GALNT16: variants seen among roughly 807,000 people sequenced by gnomAD.
GALNT16 encodes polypeptide N-acetylgalactosaminyltransferase 16, also known as UDP-GalNAc:polypeptide N-acetylgalactosaminyltransferase-like protein 1.
Under a neutral mutation model 76.1 loss-of-function variants are expected in GALNT16, and 40 were observed. That is an observed-to-expected ratio of 0.53 (90% CI 0.41 to 0.68). GALNT16 has a LOEUF of 0.68. GALNT16 is among the 30% of genes least tolerant of loss of function. GALNT16 has a pLI of 0.00. For synonymous variants in GALNT16, 276 were observed against 285.2 expected (o/e 0.97, Z 0.32); for missense variants, 621 against 731.9 (o/e 0.85, Z 1.75).
intron 1 of GALNT16, among the ~76,000 whole-genome samples, chr14:69,277,891 T>C: frequency 6.6e-6 from 1 of 152,216 alleles, no homozygotes. Flanking sequence ...ACCTGTTGTT[T>C]CCTGACTTTT....
intron 2 of GALNT16, among the ~76,000 whole-genome samples, chr14:69,324,109 G>A (rs1297216780): frequency 6.6e-6 from 1 of 151,966 alleles, no homozygotes; most frequent in Non-Finnish European, 1.5e-5. Context: ...ACAGAGGCTT[G>A]TTTCCTCCAG....
chr14:69,312,178 G>A (rs375935382), intron 1 of GALNT16, among the ~76,000 whole-genome samples: 1 of 151,994 alleles, frequency 6.6e-6, no homozygotes. Flanking sequence ...TTGAGCCTAG[G>A]AGTTTGAGGC....
At chr14:69,290,668 A>T (rs1169604854) in intron 1 of GALNT16, among the ~76,000 whole-genome samples, 3 of 152,224 alleles carry the variant, frequency 2.0e-5, no homozygotes, top group Admixed American at 2.0e-4. Flanking sequence ...CAGAATTCAG[A>T]CTGGCTTAGG....
chr14:69,369,757 G>C, the GALNT16 span, among the ~76,000 whole-genome samples: 1 of 152,190 alleles, frequency 6.6e-6, no homozygotes, highest in South Asian at 2.1e-4. Flanking sequence ...TCTAAAGTTA[G>C]CATGACAAAA....
At chr14:69,331,123 G>A (rs2045346586) in intron 6 of GALNT16, among the ~76,000 whole-genome samples, 1 of 152,228 alleles carries the variant, frequency 6.6e-6, no homozygotes, top group African/African-American at 2.4e-5. Flanking sequence ...CATCTAGGCT[G>A]TCATTGTAAG....
intron 1 of GALNT16, among the ~76,000 whole-genome samples, chr14:69,318,954 C>T (rs1416712842): frequency 6.6e-6 from 1 of 152,242 alleles, no homozygotes; most frequent in Non-Finnish European, 1.5e-5. Flanking sequence ...TTTTGTCCCT[C>T]TCTCCCTCCT....
At chr14:69,338,314 G>A (rs1007039259) in intron 9 of GALNT16, among the ~76,000 whole-genome samples, 1 of 152,204 alleles carries the variant, frequency 6.6e-6, no homozygotes, top group African/African-American at 2.4e-5. Context: ...TGTCTGTCTG[G>A]GGCTTTCTAG....
intron 2 of GALNT16, among the ~76,000 whole-genome samples, chr14:69,322,941 T>G (rs1203697855): frequency 3.2e-5 from 2 of 63,078 alleles, no homozygotes; most frequent in South Asian, 1.6e-3. Flanking sequence ...TGTGTGTGTG[T>G]GTGTGTGTGT....
At chr14:69,384,723 G>A in the GALNT16 span, among the ~76,000 whole-genome samples, 29 of 152,094 alleles carry the variant, frequency 1.9e-4, no homozygotes, top group African/African-American at 6.3e-4. Flanking sequence ...CACAAGTGAC[G>A]TGCATTTATA....
chr14:69,278,040 C>T lies in GALNT16; in HGVS notation c.177+17573C>T, dbSNP rs568564591. On this transcript the variant is annotated intron_variant, in intron 1 of 14. Coordinates refer to ENST00000448469, the MANE Select transcript of GALNT16 (RefSeq NM_001168368.2). ...TTTTTTTTTTTAGAGACAAGCCCTCCCTCTGTGACCCAGGCTGGAGTGCTG... is the reference window on the plus strand; with the variant it reads ...TTTTTTTTTTTAGAGACAAGCCCTCTCTCTGTGACCCAGGCTGGAGTGCTG... 2.0e-5 allele frequency among the ~76,000 whole-genome samples: 3 copies of T among 151,740 alleles called. No individual in the cohort carries two copies. The South Asian group carries it at 6.3e-4, about 32-fold the overall frequency.
chr14:69,361,892 A>G (rs1055762349), downstream of GALNT16, among the ~76,000 whole-genome samples: 2 of 152,224 alleles, frequency 1.3e-5, no homozygotes, highest in African/African-American at 4.8e-5. Context: ...CTATAATCCC[A>G]GCTCCTCAGG....
chr14:69,297,617 G>T (rs1162397373), intron 1 of GALNT16, among the ~76,000 whole-genome samples: 4 of 117,520 alleles, frequency 3.4e-5, no homozygotes, highest in Admixed American at 2.0e-4. Flanking sequence ...TTAGTATTAT[G>T]TATTTGGAAA....
chr14:69,309,192 G>A (rs2044979713), intron 1 of GALNT16, among the ~76,000 whole-genome samples: 1 of 152,018 alleles, frequency 6.6e-6, no homozygotes, highest in Non-Finnish European at 1.5e-5. Flanking sequence ...AAGCCAGATG[G>A]AAGAAATGCA....
the GALNT16 span, among the ~76,000 whole-genome samples, chr14:69,378,894 G>T: frequency 6.6e-6 from 1 of 152,210 alleles, no homozygotes; most frequent in East Asian, 1.9e-4. Context: ...AGGACAATCA[G>T]ATTACTTTTG....
chr14:69,363,654 A>G, the GALNT16 span, among the ~76,000 whole-genome samples: 4 of 144,970 alleles, frequency 2.8e-5, no homozygotes, highest in Non-Finnish European at 4.6e-5. Flanking sequence ...AGCTTGGTAC[A>G]GAAGTGGTCA....
intron 1 of GALNT16, among the ~76,000 whole-genome samples, chr14:69,273,877 G>A (rs1243808056): frequency 6.6e-6 from 1 of 152,218 alleles, no homozygotes. Flanking sequence ...AATGGGAGGG[G>A]TTGGCTCTTT....
At chr14:69,375,361 T>C in the GALNT16 span, among the ~76,000 whole-genome samples, 1 of 152,234 alleles carries the variant, frequency 6.6e-6, no homozygotes, top group African/African-American at 2.4e-5. Flanking sequence ...TCCGAGTCTT[T>C]TCATTGAAAT....
intron 1 of GALNT16, among the ~76,000 whole-genome samples, chr14:69,282,225 A>G (rs1188518867): frequency 6.6e-6 from 1 of 152,188 alleles, no homozygotes; most frequent in Non-Finnish European, 1.5e-5. Flanking sequence ...CTGTGTGGAC[A>G]CAGTGTTGTG....
chr14:69,314,709 A>G (rs373898203), intron 1 of GALNT16, among the ~76,000 whole-genome samples: 24 of 152,340 alleles, frequency 1.6e-4, no homozygotes, highest in African/African-American at 5.8e-4. Flanking sequence ...AGCTCTCATA[A>G]TGAATGGCAG....
Sources: gnomAD v4.1 joint callset for allele counts (sites outside exome capture counted in the v4.1 genomes callset) on GRCh38, gnomAD v4.1.1 for gene constraint, MANE v1.5 for transcripts, NCBI Gene and HGNC (gene_info 2026-07-23, HGNC 2026-07-21) for gene names.